The following PPM1H variants were observed in gnomAD, a reference collection of about 807,000 sequenced individuals.
The protein encoded by PPM1H is protein phosphatase, Mg2+/Mn2+ dependent 1H.
In PPM1H, 27 loss-of-function variants were observed where a neutral mutation model predicts 54.9. That is an observed-to-expected ratio of 0.49 (90% CI 0.36 to 0.68). The LOEUF is 0.68. Ranked by LOEUF, PPM1H falls within the 30% of genes least tolerant of loss-of-function variation. The pLI, the probability that PPM1H is intolerant of heterozygous loss-of-function variation, is 0.00. For synonymous variants in PPM1H, 305 were observed against 270.8 expected (o/e 1.13, Z -1.24); for missense variants, 596 against 667.8 (o/e 0.89, Z 1.19).
In PPM1H at chr12:62,645,657, G is replaced by A. The variant is rs952326197; in HGVS notation, c.*2832C>T. On this transcript the variant is annotated 3_prime_UTR_variant, in exon 10 of 10. Transcript: ENST00000228705. The stretch of plus-strand genomic sequence containing the variant: ...TCACCAGATAGTCTGAAGAGGCCCA[G>A]CCCAGCAAAGAGATTTAGAGCAGGA... 1 of 152,210 alleles carries A rather than the reference G, an allele frequency of 6.6e-6. No individual in the cohort carries two copies. The highest frequency in any genetic ancestry group is 1.5e-5 in the Non-Finnish European group (1 of 68,072). 9.4% of individuals were successfully genotyped at this position (152,210 alleles called of 1,614,324 possible). A position where few individuals can be genotyped will look rare whatever the true frequency, so the allele number is the denominator to read the frequency against.
intron 8 of PPM1H, among the ~76,000 whole-genome samples, chr12:62,683,806 G>T (rs1373027041): frequency 6.6e-6 from 1 of 152,180 alleles, no homozygotes; most frequent in East Asian, 1.9e-4. Context: ...TTTGAGTGGA[G>T]GCTGGAAAGA....
At chr12:62,743,098 T>C (rs886186420) in intron 4 of PPM1H, among the ~76,000 whole-genome samples, 5 of 152,100 alleles carry the variant, frequency 3.3e-5, no homozygotes, top group Non-Finnish European at 5.9e-5. Flanking sequence ...TGTCTGTAAT[T>C]CCAGCACTTT....
At chr12:62,859,564 C>T (rs1228337701) in intron 1 of PPM1H, among the ~76,000 whole-genome samples, 4 of 152,176 alleles carry the variant, frequency 2.6e-5, no homozygotes, top group Non-Finnish European at 5.9e-5. Flanking sequence ...GTGATTCATT[C>T]ACATCAGTCA....
chr12:62,681,185 A>G (rs551613181), intron 8 of PPM1H, among the ~76,000 whole-genome samples: 16 of 152,258 alleles, frequency 1.1e-4, no homozygotes, highest in African/African-American at 3.6e-4. Flanking sequence ...TATTTTTTTA[A>G]TTGGTTCAGA....
intron 2 of PPM1H, among the ~76,000 whole-genome samples, chr12:62,812,240 C>G (rs558298070): frequency 1.3e-5 from 2 of 152,172 alleles, no homozygotes; most frequent in East Asian, 3.8e-4. Flanking sequence ...ATTACTCTTC[C>G]GGAAGCTTCA....
chr12:62,823,963 C>G (rs1868258464), intron 2 of PPM1H, among the ~76,000 whole-genome samples: 1 of 152,116 alleles, frequency 6.6e-6, no homozygotes, highest in South Asian at 2.1e-4. Flanking sequence ...TCAAATTGTC[C>G]CTGTTTGCAG....
At chr12:62,906,227 C>T (rs999558203) in intron 1 of PPM1H, among the ~76,000 whole-genome samples, 1 of 152,202 alleles carries the variant, frequency 6.6e-6, no homozygotes, top group African/African-American at 2.4e-5. Context: ...ATGCACATTG[C>T]TCTAACACTG....
chr12:62,732,211 G>C (rs1400302304), intron 5 of PPM1H, among the ~76,000 whole-genome samples: 1 of 152,044 alleles, frequency 6.6e-6, no homozygotes, highest in Non-Finnish European at 1.5e-5. Context: ...AAACCCTCAA[G>C]CCTGCTCAAT....
At chr12:62,769,842 CG>C (rs1269668921) in intron 4 of PPM1H, among the ~76,000 whole-genome samples, 1 of 152,040 alleles carries the variant, frequency 6.6e-6, no homozygotes. Context: ...CATTTAAAGG[CG>C]AAAAGTGGGC....
intron 1 of PPM1H, among the ~76,000 whole-genome samples, chr12:62,917,647 C>T (rs1871665353): frequency 6.6e-6 from 1 of 152,180 alleles, no homozygotes; most frequent in African/African-American, 2.4e-5. Flanking sequence ...TAACATATCA[C>T]ATTACTTTAA....
intron 1 of PPM1H, among the ~76,000 whole-genome samples, chr12:62,862,252 T>C (rs1869628883): frequency 6.6e-6 from 1 of 152,190 alleles, no homozygotes; most frequent in African/African-American, 2.4e-5. Flanking sequence ...AGATGGCTAC[T>C]GGCCCCAGGA....
At chr12:62,802,883 G>A (rs559847467) in intron 2 of PPM1H, among the ~76,000 whole-genome samples, 12 of 152,240 alleles carry the variant, frequency 7.9e-5, no homozygotes, top group East Asian at 1.9e-4. Flanking sequence ...GATTACAGGC[G>A]TGAGCCACCG....
At position 62,755,102 on chromosome 12, in the gene PPM1H, C is replaced by A. The variant is rs150921153; in HGVS notation, c.870-17516G>T. 3.0e-3 allele frequency: 1,152 copies of A among 378,108 alleles called. 12 individuals carry two copies. Among genetic ancestry groups the A allele is most frequent in the African/African-American group, 0.02 (960 of 47,634 alleles). 23.4% of individuals were successfully genotyped at this position (378,108 alleles called of 1,614,324 possible). A position where few individuals can be genotyped will look rare whatever the true frequency, so the allele number is the denominator to read the frequency against. ...GATCGTCTTTGGATGGTGAGAATAT[C>A]ATGTCTTTCTTTTCTTAATCTTATT... On this transcript the variant is annotated intron_variant, in intron 4 of 9. Coordinates refer to ENST00000228705, the MANE Select transcript of PPM1H (RefSeq NM_020700.2).
intron 4 of PPM1H, among the ~76,000 whole-genome samples, chr12:62,743,312 C>T (rs2076392910): frequency 6.6e-6 from 1 of 152,102 alleles, no homozygotes. Context: ...GAAACTGCAC[C>T]ACTGCACGCC....
At position 62,786,324 on chromosome 12, in the gene PPM1H, C is replaced by T. The variant is rs921716016; in HGVS notation, c.869+1902G>A. 5.3e-5 allele frequency among the ~76,000 whole-genome samples: 8 copies of T among 152,210 alleles called. No individual in the cohort carries two copies. The East Asian group carries it at 1.5e-3, about 29-fold the overall frequency. ...TCCTGTCTTTGAAGCTGCTCAAACC[C>T]TGAGGCGGGAGAGGAAAGGAGGGGT... On this transcript the variant is annotated intron_variant, in intron 4 of 9. Transcript: ENST00000228705.
chr12:62,777,894 A>G (rs2076620547), intron 4 of PPM1H, among the ~76,000 whole-genome samples: 1 of 152,226 alleles, frequency 6.6e-6, no homozygotes, highest in African/African-American at 2.4e-5. Context: ...AAAGACAAAT[A>G]TTTGGTATGC....
chr12:62,732,562 T>A (rs2076327900), intron 5 of PPM1H, among the ~76,000 whole-genome samples: 1 of 151,782 alleles, frequency 6.6e-6, no homozygotes. Flanking sequence ...CCAGAAGTTT[T>A]TTTTTGTTTT....
intron 2 of PPM1H, among the ~76,000 whole-genome samples, chr12:62,808,424 G>GTGCCATAT (rs1461274249): frequency 2.0e-5 from 3 of 152,130 alleles, no homozygotes; most frequent in Non-Finnish European, 4.4e-5. Context: ...TAGTGCCATA[G>GTGCCATAT]TCCATTTTTC....
At chr12:62,916,090 T>C (rs989652561) in intron 1 of PPM1H, among the ~76,000 whole-genome samples, 2 of 152,222 alleles carry the variant, frequency 1.3e-5, no homozygotes, top group Admixed American at 6.5e-5. Context: ...TATTATATTA[T>C]AGTTATACAC....
Sources: gnomAD v4.1 joint callset for allele counts (sites outside exome capture counted in the v4.1 genomes callset) on GRCh38, gnomAD v4.1.1 for gene constraint, MANE v1.5 for transcripts, NCBI Gene and HGNC (gene_info 2026-07-23, HGNC 2026-07-21) for gene names.